KIF26B: variants seen among roughly 807,000 people sequenced by gnomAD.
The protein encoded by KIF26B is kinesin family member 26B.
A neutral mutation model predicts 151.2 loss-of-function variants in KIF26B; 63 were observed. That is an observed-to-expected ratio of 0.42 (90% CI 0.34 to 0.51). The LOEUF is 0.51. KIF26B is among the 20% of genes least tolerant of loss of function. The pLI is 0.07. For missense variants in KIF26B, 2,813 were observed against 2,913.6 expected (o/e 0.97, Z 0.79); for synonymous variants, 1,357 against 1,262.1 (o/e 1.08, Z -1.59).
intron 4 of KIF26B, among the ~76,000 whole-genome samples, chr1:245,479,063 T>A (rs1660106206): frequency 6.6e-6 from 1 of 151,622 alleles, no homozygotes; most frequent in African/African-American, 2.4e-5. Context: ...AGATGCCTAC[T>A]AGACATCAAG....
intron 6 of KIF26B, 97 bp from the exon 7 acceptor site, chr1:245,607,554 G>C: frequency 3.2e-6 from 3 of 932,134 alleles, no homozygotes; most frequent in Non-Finnish European, 3.3e-6. Flanking sequence ...GTGACACTGG[G>C]ACCCGAAGCC....
At chr1:245,544,397 T>G (rs1384773870) in intron 5 of KIF26B, among the ~76,000 whole-genome samples, 1 of 152,152 alleles carries the variant, frequency 6.6e-6, no homozygotes, top group Admixed American at 6.5e-5. Flanking sequence ...ACGCTTGAGA[T>G]GGCCCTGAAG....
At chr1:245,351,187 A>G (rs1672561323) in intron 2 of KIF26B, among the ~76,000 whole-genome samples, 1 of 152,216 alleles carries the variant, frequency 6.6e-6, no homozygotes, top group Admixed American at 6.5e-5. Flanking sequence ...TGAGCCGGAC[A>G]TTGAGCTGGG....
At chr1:245,435,479 C>G (rs1170588894) in intron 4 of KIF26B, among the ~76,000 whole-genome samples, 1 of 152,184 alleles carries the variant, frequency 6.6e-6, no homozygotes. Context: ...TAGTCCATTG[C>G]CTGTCTCCCT....
Position 245,606,125 on chromosome 1 carries a change from G to A in KIF26B, c.1558-1526G>A, listed in dbSNP as rs1172040456. ...GCTCTCCTTGCCTAAGTCCTGGGGG[G>A]TTTGAAAGATCCTGTGTGCCCTACA... On this transcript the variant is annotated intron_variant, in intron 6 of 14. Transcript: ENST00000407071. The surrounding 1 kb of genome is among the most constrained non-coding windows in gnomAD (Gnocchi z 4.6). Among the ~76,000 whole-genome samples the A allele has an allele frequency of 1.3e-5, 2 of 152,068 alleles. No individual in the cohort carries two copies. Among genetic ancestry groups the A allele is most frequent in the African/African-American group, 4.8e-5 (2 of 41,416 alleles).
chr1:245,310,022 G>A lies in KIF26B; in HGVS notation c.466-56812G>A, dbSNP rs1373100139. ...ACAAACACTCCATATGCAAAGAGAG[G>A]TCACGTGATCTTAGGTACTAGTTGT... On this transcript the variant is annotated intron_variant, in intron 2 of 14. Transcript: ENST00000407071. 2.1e-5 allele frequency among the ~76,000 whole-genome samples: 3 copies of A among 145,952 alleles called. No homozygotes were observed. In the South Asian group the frequency reaches 6.4e-4, roughly 31 times the overall value.
intron 6 of KIF26B, among the ~76,000 whole-genome samples, chr1:245,603,705 G>T (rs1378798492): frequency 6.6e-6 from 1 of 152,174 alleles, no homozygotes; most frequent in Non-Finnish European, 1.5e-5. Flanking sequence ...CATGCATGCA[G>T]GTCTCTGGAG....
chr1:245,640,122 GCT>G (rs376565844), intron 9 of KIF26B, among the ~76,000 whole-genome samples: 19 of 53,930 alleles, frequency 3.5e-4, no homozygotes, highest in African/African-American at 3.0e-4. Flanking sequence ...ACTAATATTT[GCT>G]CTCTCTCTCT....
Position 245,686,787 on chromosome 1 carries a change from C to T in KIF26B, c.3804C>T (p.Ala1268=). Residue 1268 remains alanine (A), a synonymous_variant, in exon 12 of 15, where the codon GCC becomes GCT. Coordinates refer to ENST00000407071, the MANE Select transcript of KIF26B (RefSeq NM_018012.4). The surrounding 1 kb of genome is among the most constrained non-coding windows in gnomAD (Gnocchi z 5.6). ...CGAAGATGAGCCTGGATGAGAAGGCCCAGGACGCAGGGAGCAGACGCTCTT... is the reference window on the plus strand; with the variant it reads ...CGAAGATGAGCCTGGATGAGAAGGCTCAGGACGCAGGGAGCAGACGCTCTT... ...PLPKMSLDEK[A]QDAGSRRSSI... is the part of the protein sequence containing the mutation. 1 of 1,613,100 alleles carries T rather than the reference C, an allele frequency of 6.2e-7. No individual in the cohort carries two copies. Among genetic ancestry groups the T allele is most frequent in the Non-Finnish European group, 8.5e-7 (1 of 1,179,724 alleles).
At chr1:245,680,395 T>C (rs540628799) in intron 10 of KIF26B, among the ~76,000 whole-genome samples, 1 of 152,300 alleles carries the variant, frequency 6.6e-6, no homozygotes, top group Non-Finnish European at 1.5e-5. Flanking sequence ...GCAGCATACA[T>C]GCCGCTGCTT....
rs1308098190 is a variant in KIF26B, at chr1:245,708,368, T to C, written c.*5762T>C. 6.6e-6 allele frequency: 1 copy of C among 152,250 alleles called. No homozygotes were observed. Among genetic ancestry groups the C allele is most frequent in the Non-Finnish European group, 1.5e-5 (1 of 68,058 alleles). The allele number at this position is 152,250 out of a possible 1,614,324, so 9.4% of individuals were successfully genotyped here. A position where few individuals can be genotyped will look rare whatever the true frequency, so the allele number is the denominator to read the frequency against. Reference sequence around the variant, plus strand: ...GGCCCGAGTTCACAGAGTGGTTTTATAGCAAAACAGGGACTTGAGTCCAGC... The same window carrying C: ...GGCCCGAGTTCACAGAGTGGTTTTACAGCAAAACAGGGACTTGAGTCCAGC... On this transcript the variant is annotated 3_prime_UTR_variant, in exon 15 of 15. Transcript: ENST00000407071.
intron 3 of KIF26B, among the ~76,000 whole-genome samples, chr1:245,417,172 T>G (rs909261375): frequency 6.6e-6 from 1 of 152,148 alleles, no homozygotes; most frequent in South Asian, 2.1e-4. Flanking sequence ...TAATATTTGT[T>G]TTTTTTTAGA....
intron 2 of KIF26B, among the ~76,000 whole-genome samples, chr1:245,351,753 G>A (rs1008816198): frequency 6.6e-6 from 1 of 152,174 alleles, no homozygotes; most frequent in African/African-American, 2.4e-5. Flanking sequence ...CCAGTCTGTT[G>A]ACTCCTTCAT....
intron 2 of KIF26B, among the ~76,000 whole-genome samples, chr1:245,253,962 A>G (rs1423342097): frequency 1.3e-5 from 2 of 151,630 alleles, no homozygotes; most frequent in African/African-American, 4.8e-5. Context: ...GGCGCCCGCC[A>G]CCACGCCCGG....
rs1201688285 is a variant in KIF26B, at chr1:245,516,479, C to T, written c.1167-24288C>T. Among the ~76,000 whole-genome samples the T allele has an allele frequency of 6.6e-6, 1 of 152,156 alleles. No individual in the cohort carries two copies. Among genetic ancestry groups the T allele is most frequent in the African/African-American group, 2.4e-5 (1 of 41,424 alleles). On this transcript the variant is annotated intron_variant, in intron 4 of 14. Transcript: ENST00000407071. The surrounding 1 kb of genome is among the most constrained non-coding windows in gnomAD (Gnocchi z 4.2). ...ATCACATGCGTCTATATGAACGCCC[C>T]GCTGCAGCTGCCTTTGCTATACAGT... is the stretch of plus-strand genomic sequence containing the variant.
At position 245,480,534 on chromosome 1, in the gene KIF26B, T is replaced by G. The variant is rs577677836; in HGVS notation, c.1167-60233T>G. Among the ~76,000 whole-genome samples the G allele has an allele frequency of 6.6e-5, 10 of 151,708 alleles. 1 individual carries two copies. Among genetic ancestry groups the G allele is most frequent in the Non-Finnish European group, 1.3e-4 (9 of 67,784 alleles). Reference sequence around the variant, plus strand: ...CAGGCCCTCGTGCTTCTGTGGGTTATAGGCCAGCTTGGTACCGTATAACCA... The same window carrying G: ...CAGGCCCTCGTGCTTCTGTGGGTTAGAGGCCAGCTTGGTACCGTATAACCA... On this transcript the variant is annotated intron_variant, in intron 4 of 14. Transcript: ENST00000407071.
chr1:245,513,303 T>G (rs749285192), intron 4 of KIF26B, among the ~76,000 whole-genome samples: 1 of 148,234 alleles, frequency 6.7e-6, no homozygotes, highest in Non-Finnish European at 1.5e-5. Flanking sequence ...AGAGACCAGA[T>G]ATGCTGATAC....
intron 4 of KIF26B, among the ~76,000 whole-genome samples, chr1:245,474,000 C>T (rs185978081): frequency 2.2e-4 from 33 of 151,940 alleles, no homozygotes; most frequent in Non-Finnish European, 4.3e-4. Context: ...TTAAATATTT[C>T]CCCTTTCTTT....
chr1:245,643,776 A>G (rs2043917335), intron 9 of KIF26B, among the ~76,000 whole-genome samples: 1 of 152,130 alleles, frequency 6.6e-6, no homozygotes, highest in South Asian at 2.1e-4. Flanking sequence ...TGCTGGGTGT[A>G]TATTTCTAAC....
Sources: gnomAD v4.1 joint callset for allele counts (sites outside exome capture counted in the v4.1 genomes callset) on GRCh38, gnomAD v4.1.1 for gene constraint, Gnocchi (gnomAD v3.1) non-coding constraint, MANE v1.5 for transcripts, NCBI Gene and HGNC (gene_info 2026-07-23, HGNC 2026-07-21) for gene names.